Variants in LRTM1 observed in about 807,000 individuals in gnomAD.
LRTM1 encodes the protein leucine rich repeat transmembrane protein 1, also known as leucine-rich repeat and transmembrane domain-containing protein 1.
A neutral mutation model predicts 32.4 loss-of-function variants in LRTM1; 38 were observed. That is an observed-to-expected ratio of 1.17 (90% CI 0.91 to 1.54). The LOEUF (loss-of-function observed/expected upper bound fraction) is 1.54. Ranked by LOEUF, LRTM1 falls within the 40% of genes most tolerant of loss-of-function variation. The pLI, the probability that LRTM1 is intolerant of heterozygous loss-of-function variation, is 0.00. For synonymous variants in LRTM1, 186 were observed against 169.9 expected (o/e 1.09, Z -0.74); for missense variants, 466 against 415.4 (o/e 1.12, Z -1.06).
upstream of LRTM1, among the ~76,000 whole-genome samples, chr3:54,929,850 C>G (rs1226096198): frequency 2.0e-5 from 3 of 152,128 alleles, no homozygotes; most frequent in African/African-American, 7.2e-5. Flanking sequence ...TCAATGGCCC[C>G]CATTAGCATT....
rs1700978020 is a variant in LRTM1, at chr3:54,925,182, A to T, written c.41T>A (p.Leu14Gln). 1 of 1,613,746 alleles carries T rather than the reference A, an allele frequency of 6.2e-7. No individual in the cohort carries two copies. Among genetic ancestry groups the T allele is most frequent in the African/African-American group, 1.3e-5 (1 of 74,934 alleles). ...ELLLFSSVIV[L>Q]LQVVCSCPDK... ...CGGGCAGCTGCATACCACCTGGAGC[A>T]GGACAATCACACTGGAAAACAGGAG... The change falls in exon 2 of 3, where the codon CTG becomes CAG. Residue 14 changes from leucine to glutamine, a missense_variant. Transcript: ENST00000273286.
At chr3:54,941,635 A>T (rs537979901) in intron 1 of LRTM1, among the ~76,000 whole-genome samples, 67 of 152,260 alleles carry the variant, frequency 4.4e-4, no homozygotes, top group African/African-American at 1.5e-3. Context: ...TGACAAGACA[A>T]CCCATAACAT....
At chr3:54,924,543 C>G in intron 2 of LRTM1, 76 bp downstream of exon 2, 1 of 1,221,676 alleles carries the variant, frequency 8.2e-7, no homozygotes, top group African/African-American at 1.5e-5. Context: ...CACATTCTTT[C>G]TAATGCAGAG....
chr3:54,940,045 AG>A (rs1298441105), intron 1 of LRTM1, among the ~76,000 whole-genome samples: 4 of 118,424 alleles, frequency 3.4e-5, no homozygotes, highest in Non-Finnish European at 7.5e-5. Flanking sequence ...AAGATGGAGA[AG>A]GTGGAGCTGA....
upstream of LRTM1, among the ~76,000 whole-genome samples, chr3:54,929,671 C>T (rs6774406): frequency 0.43 from 65,702 of 152,016 alleles, 15,136 homozygotes; most frequent in East Asian, 0.75. Flanking sequence ...GGGCAAAAGT[C>T]AGGTGTAGGT....
intron 1 of LRTM1, among the ~76,000 whole-genome samples, chr3:54,947,331 T>A (rs1701641379): frequency 6.6e-6 from 1 of 152,126 alleles, no homozygotes; most frequent in African/African-American, 2.4e-5. Flanking sequence ...TTCCAAGCAG[T>A]GCTAATGCAA....
chr3:54,935,518 C>T (rs1701305723), intron 1 of LRTM1, among the ~76,000 whole-genome samples: 1 of 152,208 alleles, frequency 6.6e-6, no homozygotes, highest in African/African-American at 2.4e-5. Flanking sequence ...CAAAGCCTCA[C>T]AGTGACACGT....
At chr3:54,964,004 A>G (rs763923916) in intron 1 of LRTM1, among the ~76,000 whole-genome samples, 4 of 152,214 alleles carry the variant, frequency 2.6e-5, no homozygotes, top group Non-Finnish European at 5.9e-5. Flanking sequence ...GATAGTTCAA[A>G]AGAGAGGTCA....
chr3:54,934,373 G>A (rs796757188), intron 1 of LRTM1, among the ~76,000 whole-genome samples: 2 of 151,354 alleles, frequency 1.3e-5, no homozygotes, highest in African/African-American at 4.8e-5. Context: ...GTTTTCTCTA[G>A]TAAGAAAGTG....
chr3:54,938,132 G>T (rs904489990), intron 1 of LRTM1, among the ~76,000 whole-genome samples: 1 of 152,224 alleles, frequency 6.6e-6, no homozygotes, highest in Non-Finnish European at 1.5e-5. Context: ...TGTCTGAGGG[G>T]CAGCAGAATG....
chr3:54,950,674 A>G (rs75554416), intron 1 of LRTM1, among the ~76,000 whole-genome samples: 2,251 of 152,232 alleles, frequency 0.015, 53 homozygotes, highest in African/African-American at 0.05. Context: ...TCTAGGACCC[A>G]GGTTCTCTAC....
In LRTM1 at chr3:54,918,634, G is replaced by A; in HGVS notation, c.863C>T (p.Thr288Ile). Reference protein sequence around the residue: ...RPANLRHAIATVIITGVVCGI... With the variant: ...RPANLRHAIAIVIITGVVCGI... ...ACACACAACGCCAGTGATGATGACAGTGGCAATGGCATGACGCAGGTTGGC... is the reference window on the plus strand; with the variant it reads ...ACACACAACGCCAGTGATGATGACAATGGCAATGGCATGACGCAGGTTGGC... Residue 288 changes from threonine to isoleucine, a missense_variant, in exon 3 of 3, where the codon ACT (threonine) becomes ATT (isoleucine). By Grantham distance (89) the Thr-to-Ile change is moderately conservative. Transcript: ENST00000273286. 6.2e-7 allele frequency: 1 copy of A among 1,614,184 alleles called. No individual in the cohort carries two copies. Among genetic ancestry groups the A allele is most frequent in the Non-Finnish European group, 8.5e-7 (1 of 1,180,030 alleles).
chr3:54,923,583 A>C (rs1231762142), intron 2 of LRTM1, among the ~76,000 whole-genome samples: 1 of 152,222 alleles, frequency 6.6e-6, no homozygotes. Context: ...ATCTGTTTCT[A>C]CTACCAGAAT....
At chr3:54,925,463 T>G (rs1700987823) in intron 1 of LRTM1, among the ~76,000 whole-genome samples, 1 of 152,184 alleles carries the variant, frequency 6.6e-6, no homozygotes, top group South Asian at 2.1e-4. Context: ...ATACTCTCAG[T>G]GTCTTCTGAT....
chr3:54,939,774 A>C (rs1054135656), intron 1 of LRTM1, among the ~76,000 whole-genome samples: 8 of 152,198 alleles, frequency 5.3e-5, no homozygotes, highest in African/African-American at 1.7e-4. Context: ...TCTATAGACC[A>C]GTAGCGGGAG....
chr3:54,967,047 C>G (rs1702168582), exon 1 of LRTM1: 1 of 152,202 alleles, frequency 6.6e-6, no homozygotes, highest in African/African-American at 2.4e-5. Context: ...TAAGGCAGAG[C>G]AGAATGAGCC....
intron 1 of LRTM1, among the ~76,000 whole-genome samples, chr3:54,944,810 T>TGG (rs974378835): frequency 3.7e-5 from 5 of 135,202 alleles, no homozygotes; most frequent in South Asian, 2.2e-4. Context: ...TAGTTAGAGC[T>TGG]GGGGGTGTGT....
At chr3:54,930,444 C>T (rs574115683), upstream of LRTM1, among the ~76,000 whole-genome samples, 2 of 152,302 alleles carry the variant, frequency 1.3e-5, no homozygotes, top group East Asian at 3.9e-4. Context: ...ATTTAAATAC[C>T]TCTTTAGGTT....
chr3:54,942,297 A>G (rs868550264), intron 1 of LRTM1, among the ~76,000 whole-genome samples: 5 of 152,302 alleles, frequency 3.3e-5, no homozygotes, highest in Middle Eastern at 3.4e-3. Flanking sequence ...TCAAAGCTCA[A>G]AGATTCAGAC....
Sources: gnomAD v4.1 joint callset for allele counts (sites outside exome capture counted in the v4.1 genomes callset) on GRCh38, gnomAD v4.1.1 for gene constraint, MANE v1.5 for transcripts, NCBI Gene and HGNC (gene_info 2026-07-23, HGNC 2026-07-21) for gene names.